Variants in CIBAR2 observed in about 807,000 individuals in gnomAD.
CIBAR2 encodes the protein CBY1 interacting BAR domain containing 2.
CIBAR2 carries 38 observed loss-of-function variants against 36.2 expected under a neutral mutation model. The observed-to-expected ratio is 1.05, with a 90% CI of 0.81 to 1.38. CIBAR2 has a LOEUF of 1.38. CIBAR2 is among the 40% of genes most tolerant of loss of function. The probability of loss-of-function intolerance (pLI) is 0.00; values close to 1 mark genes in which losing one functional copy is unlikely to be tolerated. For missense variants in CIBAR2, 481 were observed against 383.4 expected, an observed-to-expected ratio of 1.25 and a Z score of -2.13; for synonymous variants, 182 against 149.5, an observed-to-expected ratio of 1.22 and a Z score of -1.58.
intron 8 of CIBAR2, among the ~76,000 whole-genome samples, 181 bp from the exon 9 acceptor site, chr16:85,099,527 C>T (rs540183543): frequency 7.9e-5 from 12 of 152,240 alleles, no homozygotes; most frequent in African/African-American, 2.9e-4. Context: ...AGTGGCAATA[C>T]CTCAGAGTGC....
intron 1 of CIBAR2, among the ~76,000 whole-genome samples, chr16:85,111,944 C>A (rs1009377683): frequency 1.3e-5 from 2 of 152,168 alleles, no homozygotes; most frequent in African/African-American, 4.8e-5. Flanking sequence ...CGGGGCAGGG[C>A]AGGCAGGTTG....
chr16:85,109,892 C>T (rs1489511796), intron 2 of CIBAR2, among the ~76,000 whole-genome samples: 1 of 152,128 alleles, frequency 6.6e-6, no homozygotes, highest in East Asian at 1.9e-4. Context: ...CCTCCTTGCC[C>T]CTGACTCCCC....
In CIBAR2 at chr16:85,099,356, T is replaced by C; in HGVS notation, c.754-10A>G. On this transcript the variant is annotated splice_polypyrimidine_tract_variant and intron_variant, in intron 8 of 8. Transcript: ENST00000539556. Reference sequence around the variant, plus strand: ...GGACCTGCAGAGTTCCCTGCAGAAATATAAATGCACCTGATGGCAGGCCTT... The same window carrying C: ...GGACCTGCAGAGTTCCCTGCAGAAACATAAATGCACCTGATGGCAGGCCTT... 1 of 1,447,480 alleles carries C rather than the reference T, an allele frequency of 6.9e-7. No individual in the cohort carries two copies. The highest frequency in any genetic ancestry group is 9.7e-7 in the Non-Finnish European group (1 of 1,028,112). The allele number at this position is 1,447,480 out of a possible 1,614,324, so 89.7% of individuals were successfully genotyped here.
chr16:85,109,422 A>G (rs1320158353), intron 2 of CIBAR2, among the ~76,000 whole-genome samples: 1 of 152,132 alleles, frequency 6.6e-6, no homozygotes, highest in Non-Finnish European at 1.5e-5. Flanking sequence ...CTGCCTGGAG[A>G]AGAGAGTGCC....
At chr16:85,105,457 A>G in intron 5 of CIBAR2, 26 bp from the exon 6 acceptor site, 1 of 1,559,280 alleles carries the variant, frequency 6.4e-7, no homozygotes. Flanking sequence ...CAAGACGTAG[A>G]AAGTGTCATG....
chr16:85,109,432 C>T (rs538265392), intron 2 of CIBAR2, among the ~76,000 whole-genome samples: 171 of 152,230 alleles, frequency 1.1e-3, no homozygotes, highest in African/African-American at 3.9e-3. Context: ...AAGAGAGTGC[C>T]GTTTCTGTCT....
intron 6 of CIBAR2, 131 bp from the exon 7 acceptor site, chr16:85,102,458 T>C (rs1306402001): frequency 4.7e-6 from 3 of 635,766 alleles, no homozygotes; most frequent in East Asian, 5.3e-5. Context: ...GTGGGGAGTT[T>C]CGACATGTTA....
chr16:85,110,376 G>A lies in CIBAR2; in HGVS notation c.105C>T (p.Tyr35=), dbSNP rs1336547036. 3.1e-6 allele frequency: 5 copies of A among 1,613,466 alleles called. No homozygotes were observed. The highest frequency in any genetic ancestry group is 4.2e-6 in the Non-Finnish European group (5 of 1,179,846). ...CCCGCAGCCGGGCCGTCTTGCGCGT[G>A]TAGGCGGCCAGCAGCGAGCAGAACT... ...FGQFCSLLAA[Y]TRKTARLRDK... is the part of the protein sequence containing the mutation. Residue 35 remains tyrosine, a synonymous_variant, in exon 2 of 9, where the codon TAC becomes TAT. Transcript: ENST00000539556.
chr16:85,100,511 A>G (rs567153416), intron 7 of CIBAR2, among the ~76,000 whole-genome samples: 81 of 152,292 alleles, frequency 5.3e-4, no homozygotes, highest in Admixed American at 1.7e-3. Context: ...GCAGGATTCG[A>G]GATCCCCCTT....
chr16:85,100,191 A>G lies in CIBAR2; in HGVS notation c.701T>C (p.Leu234Pro), dbSNP rs773978785. The G allele has an allele frequency of 1.7e-5, 27 of 1,611,818 alleles. No homozygotes were observed. The highest frequency in any genetic ancestry group is 1.8e-5 in the Non-Finnish European group (21 of 1,179,354). ...TGGAGGGGGGCTGGTGTTGGCAAGC[A>G]GCCGAGTGTCATAATGCCCATAAAC... ...QGVYGHYDTR[L>P]LANTSPPPSV... The change falls in exon 8 of 9, where the codon CTG becomes CCG. Residue 234 changes from leucine to proline, a missense_variant. Coordinates refer to ENST00000539556, the MANE Select transcript of CIBAR2 (RefSeq NM_198491.3).
chr16:85,102,317 C>A lies in CIBAR2; in HGVS notation c.548G>T (p.Cys183Phe). The A allele has an allele frequency of 6.2e-7, 1 of 1,608,342 alleles. No individual in the cohort carries two copies. The highest frequency in any genetic ancestry group is 1.7e-4 in the Middle Eastern group (1 of 6,040). The change falls in exon 7 of 9, where the codon TGT becomes TTT. Residue 183 changes from cysteine to phenylalanine, a missense_variant. Physicochemically the swap from Cys to Phe is radical, Grantham distance 205 (BLOSUM62 -2). Coordinates refer to ENST00000539556, the MANE Select transcript of CIBAR2 (RefSeq NM_198491.3). Reference sequence around the variant, plus strand: ...AACCATCTCAATAGTTACAAAGTCACAAAAAAATTTCTGTGGGGAGAGAAA... The same window carrying A: ...AACCATCTCAATAGTTACAAAGTCAAAAAAAAATTTCTGTGGGGAGAGAAA... Reference protein sequence around the residue: ...QKLKDLQKFFCDFVTIEMVFH... With the variant: ...QKLKDLQKFFFDFVTIEMVFH...
intron 6 of CIBAR2, among the ~76,000 whole-genome samples, chr16:85,103,665 C>T (rs2073972607): frequency 6.6e-6 from 1 of 152,220 alleles, no homozygotes; most frequent in African/African-American, 2.4e-5. Context: ...ATGTAGGCAG[C>T]GTGAGCACTA....
intron 4 of CIBAR2, 72 bp from the exon 5 acceptor site, chr16:85,107,744 G>A (rs991025558): frequency 6.3e-7 from 1 of 1,597,020 alleles, no homozygotes; most frequent in Non-Finnish European, 8.6e-7. Flanking sequence ...CCCCTTCACA[G>A]CCCCTGCCCA....
intron 6 of CIBAR2, among the ~76,000 whole-genome samples, chr16:85,102,950 G>A (rs1471411755): frequency 2.6e-5 from 4 of 151,588 alleles, no homozygotes; most frequent in Admixed American, 1.3e-4. Flanking sequence ...CACCCAAGCT[G>A]GAGTGAAGTG....
rs200176243 is a variant in CIBAR2 at position 85,099,184 on chromosome 16, G to A, written c.*1C>T. On this transcript the variant is annotated 3_prime_UTR_variant, in exon 9 of 9. Coordinates refer to ENST00000539556, the MANE Select transcript of CIBAR2 (RefSeq NM_198491.3). ...CTTGGGATTGCACTTACCCTACGTC[G>A]TTAGAGAGAATGTCCTGGAAGCATG... 2.8e-5 allele frequency: 44 copies of A among 1,568,190 alleles called. No homozygotes were observed. The highest frequency in any genetic ancestry group is 3.6e-5 in the South Asian group (3 of 84,108).
Position 85,099,110 on chromosome 16 carries a change from C to G in CIBAR2, c.*75G>C. On this transcript the variant is annotated 3_prime_UTR_variant, in exon 9 of 9. Coordinates refer to ENST00000539556, the MANE Select transcript of CIBAR2 (RefSeq NM_198491.3). ...CCAACAAAGACAAAGAAAAAAGAAT[C>G]AGAAAATAAGAACAAAGCCTCCAGG... 5 of 1,429,410 alleles carry G rather than the reference C, an allele frequency of 3.5e-6. No homozygotes were observed. Among genetic ancestry groups the G allele is most frequent in the Non-Finnish European group, 4.6e-6 (5 of 1,085,462 alleles). The allele number at this position is 1,429,410 out of a possible 1,614,324, so 88.5% of individuals were successfully genotyped here.
intron 2 of CIBAR2, 72 bp downstream of exon 2, chr16:85,110,154 C>T: frequency 8.3e-7 from 1 of 1,199,550 alleles, no homozygotes; most frequent in Non-Finnish European, 1.2e-6. Flanking sequence ...GCTCCTGCAG[C>T]CCTCAGGCCT....
At chr16:85,102,769 C>T (rs111575528) in intron 6 of CIBAR2, among the ~76,000 whole-genome samples, 485 of 152,318 alleles carry the variant, frequency 3.2e-3, no homozygotes, top group African/African-American at 0.011. Flanking sequence ...CCTGAGATCA[C>T]GTTGAGAAGT....
At chr16:85,100,915 A>C (rs1046798344) in intron 7 of CIBAR2, among the ~76,000 whole-genome samples, 2 of 152,112 alleles carry the variant, frequency 1.3e-5, no homozygotes, top group Non-Finnish European at 2.9e-5. Context: ...GGCGTGATGG[A>C]GGGCGCCTGT....
Sources: allele counts gnomAD v4.1 joint callset (sites outside exome capture counted in the v4.1 genomes callset), GRCh38; gene constraint gnomAD v4.1.1; transcripts MANE v1.5; gene names NCBI Gene and HGNC (gene_info 2026-07-23, HGNC 2026-07-21).